SHMT1: variants seen among roughly 807,000 people sequenced by gnomAD.
SHMT1 encodes the protein serine hydroxymethyltransferase, cytosolic.
SHMT1 carries 45 observed loss-of-function variants against 49.0 expected under a neutral mutation model. That is an observed-to-expected ratio of 0.92 (90% confidence interval 0.72 to 1.18). The LOEUF is 1.18. SHMT1 is among the 50% of genes most tolerant of loss of function. The pLI is 0.00. For synonymous variants in SHMT1, 232 were observed against 246.6 expected, an observed-to-expected ratio of 0.94 and a Z score of 0.55; for missense variants, 541 against 612.4, an observed-to-expected ratio of 0.88 and a Z score of 1.23.
chr17:18,340,056 G>T lies in SHMT1; in HGVS notation c.801C>A (p.Ile267=). ...KTLRGCRAGM[I]FYRKGVKSVD... ...TCGGGAGCTCACCTTTCCTGTAGAAGATCATGCCAGCTCGGCAGCCTCGCA... is the reference window on the plus strand; with the variant it reads ...TCGGGAGCTCACCTTTCCTGTAGAATATCATGCCAGCTCGGCAGCCTCGCA... The change falls in exon 7 of 12, where the codon ATC becomes ATA. Residue 267 remains isoleucine (I), a synonymous_variant. Transcript: ENST00000316694. The surrounding 1 kb of genome is among the most constrained non-coding windows in gnomAD (Gnocchi z 4.5). The T allele has an allele frequency of 6.2e-7, 1 of 1,613,662 alleles. No homozygotes were observed. The highest frequency in any genetic ancestry group is 8.5e-7 in the Non-Finnish European group (1 of 1,180,032).
At chr17:18,362,551 T>C (rs1044092011) in intron 1 of SHMT1, among the ~76,000 whole-genome samples, 8 of 152,156 alleles carry the variant, frequency 5.3e-5, no homozygotes, top group African/African-American at 1.9e-4. Flanking sequence ...CTCCAACTAC[T>C]AACCTCAAGT....
intron 2 of SHMT1, among the ~76,000 whole-genome samples, chr17:18,355,308 T>A (rs189779621): frequency 3.4e-5 from 5 of 148,088 alleles, no homozygotes; most frequent in African/African-American, 1.3e-4. Flanking sequence ...AGGTGGAACT[T>A]GCAGTGAGCT....
intron 10 of SHMT1, among the ~76,000 whole-genome samples, chr17:18,329,804 T>C (rs1982981690): frequency 6.6e-6 from 1 of 152,218 alleles, no homozygotes; most frequent in Admixed American, 6.5e-5. Flanking sequence ...CAGGGCCAAG[T>C]ACAAAGGCAC....
chr17:18,347,519 A>T lies in SHMT1; in HGVS notation c.496T>A (p.Phe166Ile), dbSNP rs756606952. 3.1e-6 allele frequency: 5 copies of T among 1,614,092 alleles called. No individual in the cohort carries two copies. The African/African-American group carries it at 5.3e-5, about 17-fold the overall frequency. ...DKKKISATSI[F>I]FESMPYKVNP... ...ACCTTGTAGGGCATAGATTCAAAGA[A>T]GATGGACGTGGCAGAGATTTTCTTC... The change falls in exon 5 of 12, where the codon TTC becomes ATC. Residue 166 changes from phenylalanine (F) to isoleucine (I), a missense_variant. Coordinates refer to ENST00000316694, the MANE Select transcript of SHMT1 (RefSeq NM_004169.5).
In SHMT1 at chr17:18,334,814, C is replaced by G. The variant is rs1220172198; in HGVS notation, c.931+745G>C. ...TGATCCCTGCATCCCAGAGTTAAAG[C>G]AGCTGTGGGTGCCAAGTGTGTAGGT... On this transcript the variant is annotated intron_variant, in intron 8 of 11. Coordinates refer to ENST00000316694, the MANE Select transcript of SHMT1 (RefSeq NM_004169.5). Among the ~76,000 whole-genome samples, 3 of 152,194 alleles carry G rather than the reference C, an allele frequency of 2.0e-5. No homozygotes were observed. In the East Asian group the frequency reaches 5.8e-4, roughly 29 times the overall value.
At chr17:18,337,062 T>C (rs1983870468) in intron 7 of SHMT1, among the ~76,000 whole-genome samples, 1 of 145,856 alleles carries the variant, frequency 6.9e-6, no homozygotes. Flanking sequence ...ATAGCTACTA[T>C]TCAGTCATAA....
In SHMT1 at chr17:18,328,913, TC is replaced by T; in HGVS notation, c.1288del (p.Glu430SerfsTer2). 2 of 1,613,786 alleles carry T rather than the reference TC, an allele frequency of 1.2e-6. No individual in the cohort carries two copies. The highest frequency in any genetic ancestry group is 1.7e-6 in the Non-Finnish European group (2 of 1,179,940). On this transcript the variant is annotated frameshift_variant, in exon 12 of 12. Coordinates refer to ENST00000316694, the MANE Select transcript of SHMT1 (RefSeq NM_004169.5). LOFTEE classifies it low-confidence loss of function (END_TRUNC). ...KVAHFIHRGI[E>X]LTLQIQSDTG... ...GTCGCTCTGGATCTGCAGGGTCAGC[TC>T]TATCCCTGTGCCACAAGACACAAAT...
chr17:18,328,608 A>G lies in SHMT1; in HGVS notation c.*142T>C, dbSNP rs943092025. The G allele has an allele frequency of 5.9e-6, 5 of 840,388 alleles. No individual in the cohort carries two copies. Among genetic ancestry groups the G allele is most frequent in the East Asian group, 2.7e-5 (1 of 37,352 alleles). 52.1% of individuals were successfully genotyped at this position (840,388 alleles called of 1,614,324 possible). A position where few individuals can be genotyped will look rare whatever the true frequency, so the allele number is the denominator to read the frequency against. On this transcript the variant is annotated 3_prime_UTR_variant, in exon 12 of 12. Transcript: ENST00000316694. ...ATTTTGATTTGTGAAGAAAACATGA[A>G]AAAAGTCCAAAAGAAACCCCCTCAA...
At chr17:18,357,893 T>C (rs531553756) in intron 1 of SHMT1, among the ~76,000 whole-genome samples, 1 of 140,864 alleles carries the variant, frequency 7.1e-6, no homozygotes, top group African/African-American at 2.7e-5. Context: ...AGACAGAGTC[T>C]CACTCTGTCG....
rs865866988 is a variant in SHMT1, at chr17:18,333,240, T to TA, written c.979dup (p.Tyr327LeufsTer14). 6.2e-7 allele frequency: 1 copy of TA among 1,613,770 alleles called. No homozygotes were observed. The highest frequency in any genetic ancestry group is 1.7e-5 in the Admixed American group (1 of 60,000). ...GCAGTTGGCCACCACCTGGTGTTGA[T>TA]AAACTTTAAATTCCAGAGTCATAGC... On this transcript the variant is annotated frameshift_variant, in exon 9 of 12. Transcript: ENST00000316694. LOFTEE classifies it high-confidence loss of function.
In SHMT1 at chr17:18,329,334, G is replaced by A. The variant is rs150725254; in HGVS notation, c.1226C>T (p.Thr409Met). The change falls in exon 11 of 12, where the codon ACG becomes ATG. Residue 409 changes from threonine (T) to methionine (M), a missense_variant. Coordinates refer to ENST00000316694, the MANE Select transcript of SHMT1 (RefSeq NM_004169.5). ...GTCTTTTTCCAAAAGTCCACGGGACGTCAGTGCTGGGGTCCCCAGCCGCAG... is the reference window on the plus strand; with the variant it reads ...GTCTTTTTCCAAAAGTCCACGGGACATCAGTGCTGGGGTCCCCAGCCGCAG... ...SGLRLGTPAL[T>M]SRGLLEKDFQ... 9.9e-6 allele frequency: 16 copies of A among 1,613,036 alleles called. No homozygotes were observed. Among genetic ancestry groups the A allele is most frequent in the African/African-American group, 6.7e-5 (5 of 74,994 alleles).
chr17:18,331,057 G>A, intron 9 of SHMT1: 1 of 357,990 alleles, frequency 2.8e-6, no homozygotes, highest in East Asian at 7.3e-5. Flanking sequence ...TGGGGGGTAA[G>A]GGGCATGTTC....
At position 18,341,512 on chromosome 17, in the gene SHMT1, C is replaced by T. The variant is rs188731612; in HGVS notation, c.520-699G>A. On this transcript the variant is annotated intron_variant, in intron 5 of 11. Coordinates refer to ENST00000316694, the MANE Select transcript of SHMT1 (RefSeq NM_004169.5). Reference sequence around the variant, plus strand: ...AAAATTAGCCAGATATGGTGGCGGGCGCCTGTAATCCCAGCTACTTGGGAG... The same window carrying T: ...AAAATTAGCCAGATATGGTGGCGGGTGCCTGTAATCCCAGCTACTTGGGAG... 469 of 152,684 alleles carry T rather than the reference C, an allele frequency of 3.1e-3. 9 individuals are homozygous for T. The highest frequency in any genetic ancestry group is 0.022 in the East Asian group (116 of 5,174). 9.5% of individuals were successfully genotyped at this position (152,684 alleles called of 1,614,324 possible).
intron 1 of SHMT1, among the ~76,000 whole-genome samples, chr17:18,356,495 C>T (rs1314680632): frequency 6.6e-6 from 1 of 152,122 alleles, no homozygotes; most frequent in Non-Finnish European, 1.5e-5. Flanking sequence ...GCCACTACGC[C>T]TGGCTAATTT....
At chr17:18,358,490 G>A (rs915062085) in intron 1 of SHMT1, among the ~76,000 whole-genome samples, 5 of 152,070 alleles carry the variant, frequency 3.3e-5, no homozygotes, top group African/African-American at 1.2e-4. Flanking sequence ...CTGTCTCAAA[G>A]AAAAGTAAAA....
At position 18,330,658 on chromosome 17, in the gene SHMT1, G is replaced by T. The variant is rs766449085; in HGVS notation, c.1068C>A (p.Asn356Lys). 8 of 1,613,408 alleles carry T rather than the reference G, an allele frequency of 5.0e-6. No individual in the cohort carries two copies. In the South Asian group the frequency reaches 7.7e-5, roughly 16 times the overall value. ...GYKIVTGGSDNHLILVDLRSK... is the reference protein window; with the variant it reads ...GYKIVTGGSDKHLILVDLRSK... ...AACGGAGATCCACAAGGATCAAATG[G>T]TTGTCAGAACCACCTGGAAACAAAG... Residue 356 changes from asparagine to lysine, a missense_variant, in exon 10 of 12, where the codon AAC (asparagine) becomes AAA (lysine). By Grantham distance (94) the Asn-to-Lys change is moderately conservative. Transcript: ENST00000316694.
chr17:18,343,919 TAA>T (rs35005892), intron 5 of SHMT1, among the ~76,000 whole-genome samples: 22 of 106,868 alleles, frequency 2.1e-4, no homozygotes, highest in Middle Eastern at 4.9e-3. Flanking sequence ...GATACTGTCT[TAA>T]AAAAAAAAAA....
chr17:18,351,196 A>G (rs1416588547), intron 3 of SHMT1, among the ~76,000 whole-genome samples: 1 of 151,728 alleles, frequency 6.6e-6, no homozygotes, highest in Non-Finnish European at 1.5e-5. Context: ...GCTGGAGTGC[A>G]GTGGCGCGAT....
intron 1 of SHMT1, among the ~76,000 whole-genome samples, chr17:18,356,736 G>A (rs745503488): frequency 1.1e-4 from 17 of 152,088 alleles, no homozygotes; most frequent in African/African-American, 2.4e-4. Flanking sequence ...TGGTAAACAC[G>A]AGCATGTTCT....
Sources: gnomAD v4.1 joint callset for allele counts (sites outside exome capture counted in the v4.1 genomes callset) on GRCh38, gnomAD v4.1.1 for gene constraint, Gnocchi (gnomAD v3.1) non-coding constraint, MANE v1.5 for transcripts, NCBI Gene and HGNC (gene_info 2026-07-23, HGNC 2026-07-21) for gene names.